CDKAL1: variants seen among roughly 807,000 people sequenced by gnomAD.
The protein encoded by CDKAL1 is threonylcarbamoyladenosine tRNA methylthiotransferase.
In CDKAL1, 32 loss-of-function variants were observed where a neutral mutation model predicts 68.2. The ratio of observed to expected loss-of-function variants is 0.47; its 90% confidence interval spans 0.35 to 0.63. CDKAL1 has a LOEUF of 0.63. Ranked by LOEUF, CDKAL1 falls within the 30% of genes least tolerant of loss-of-function variation. The pLI is 0.00. For synonymous variants in CDKAL1, 234 were observed against 244.3 expected, an observed-to-expected ratio of 0.96 and a Z score of 0.39; for missense variants, 606 against 696.7, an observed-to-expected ratio of 0.87 and a Z score of 1.47.
chr6:20,817,972 A>G (rs1252979773), intron 8 of CDKAL1, among the ~76,000 whole-genome samples: 1 of 152,080 alleles, frequency 6.6e-6, no homozygotes, highest in African/African-American at 2.4e-5. Context: ...AGGGGCCACT[A>G]CTATTTCTTG....
chr6:20,541,510 C>G (rs1441725903), intron 2 of CDKAL1, among the ~76,000 whole-genome samples: 1 of 152,226 alleles, frequency 6.6e-6, no homozygotes, highest in African/African-American at 2.4e-5. Flanking sequence ...TCTGTTAACA[C>G]TAGCGTAGAA....
chr6:20,537,591 A>G (rs1763224796), intron 2 of CDKAL1, among the ~76,000 whole-genome samples: 1 of 146,330 alleles, frequency 6.8e-6, no homozygotes, highest in South Asian at 2.3e-4. Context: ...GGGCAGCAAG[A>G]GTGAAACTCT....
chr6:21,056,646 A>G (rs935565240), intron 11 of CDKAL1, among the ~76,000 whole-genome samples: 1 of 152,088 alleles, frequency 6.6e-6, no homozygotes, highest in Non-Finnish European at 1.5e-5. Context: ...TCAGTATGAT[A>G]TTGGCTGTGG....
rs145173463 is a variant in CDKAL1, at chr6:20,733,484, A to G, written c.372-6035A>G. ...TTCCAGTGCACCATGACACCCGGCT[A>G]TTTGAAGCCTTTAGTGTAAAACAAA... is the stretch of plus-strand genomic sequence containing the variant. On this transcript the variant is annotated intron_variant, in intron 5 of 15. Transcript: ENST00000274695. 3.3e-3 allele frequency among the ~76,000 whole-genome samples: 509 copies of G among 152,322 alleles called. 4 individuals are homozygous for G. The highest frequency in any genetic ancestry group is 0.011 in the African/African-American group (468 of 41,568).
intron 5 of CDKAL1, chr6:20,722,555 A>T: frequency 3.2e-6 from 1 of 314,944 alleles, no homozygotes; most frequent in Non-Finnish European, 6.1e-6. Context: ...TACCCTGGGC[A>T]CACATAGAAT....
At chr6:20,596,123 C>G (rs1258036289) in intron 4 of CDKAL1, among the ~76,000 whole-genome samples, 1 of 152,166 alleles carries the variant, frequency 6.6e-6, no homozygotes, top group African/African-American at 2.4e-5. Context: ...GTCTCCAAGC[C>G]AGGAGGCACG....
At chr6:20,677,690 A>G (rs1215853011) in intron 5 of CDKAL1, among the ~76,000 whole-genome samples, 1 of 152,206 alleles carries the variant, frequency 6.6e-6, no homozygotes, top group East Asian at 1.9e-4. Flanking sequence ...TGCTGGGATT[A>G]CAGGTGTGAG....
At chr6:20,537,916 A>G (rs548045855) in intron 2 of CDKAL1, among the ~76,000 whole-genome samples, 14 of 152,292 alleles carry the variant, frequency 9.2e-5, no homozygotes, top group Admixed American at 2.6e-4. Flanking sequence ...TGTTCAAAGT[A>G]AAACCTTTAG....
At chr6:20,685,053 T>A (rs1446435376) in intron 5 of CDKAL1, among the ~76,000 whole-genome samples, 1 of 152,198 alleles carries the variant, frequency 6.6e-6, no homozygotes, top group Non-Finnish European at 1.5e-5. Context: ...GTGCCTTTTG[T>A]GTAATATCTA....
chr6:21,178,637 C>G lies in CDKAL1; in HGVS notation c.1300-19384C>G, dbSNP rs146624962. On this transcript the variant is annotated intron_variant, in intron 13 of 15. Coordinates refer to ENST00000274695, the MANE Select transcript of CDKAL1 (RefSeq NM_017774.3). ...GTTAATTTGATTGAAAATGATCCCCCCACAAAAGTTTCCAAATTATAACTT... is the reference window on the plus strand; with the variant it reads ...GTTAATTTGATTGAAAATGATCCCCGCACAAAAGTTTCCAAATTATAACTT... Among the ~76,000 whole-genome samples, 797 of 152,270 alleles carry G rather than the reference C, an allele frequency of 5.2e-3. 6 individuals are homozygous for G. Among genetic ancestry groups the G allele is most frequent in the African/African-American group, 0.018 (744 of 41,556 alleles).
At chr6:20,755,342 C>T (rs1298577745) in intron 6 of CDKAL1, among the ~76,000 whole-genome samples, 1 of 152,162 alleles carries the variant, frequency 6.6e-6, no homozygotes, top group South Asian at 2.1e-4. Context: ...ATTCCCATTG[C>T]CAGATACTGG....
intron 4 of CDKAL1, among the ~76,000 whole-genome samples, chr6:20,589,882 C>T (rs1249053319): frequency 4.6e-5 from 7 of 152,042 alleles, no homozygotes; most frequent in Non-Finnish European, 1.0e-4. Flanking sequence ...TGGTAGTGCA[C>T]GGGTTAAGAA....
chr6:20,596,550 C>T (rs1254575841), intron 4 of CDKAL1, among the ~76,000 whole-genome samples: 1 of 152,188 alleles, frequency 6.6e-6, no homozygotes, highest in Non-Finnish European at 1.5e-5. Context: ...CTTCAGACTG[C>T]TGTGCTGGCA....
At chr6:20,606,950 A>G (rs967395520) in intron 4 of CDKAL1, among the ~76,000 whole-genome samples, 4 of 152,090 alleles carry the variant, frequency 2.6e-5, no homozygotes, top group African/African-American at 9.7e-5. Flanking sequence ...AAATCCTGTG[A>G]GGTATGTGGT....
intron 7 of CDKAL1, among the ~76,000 whole-genome samples, chr6:20,761,682 CTA>C (rs1491214897): frequency 3.3e-5 from 5 of 152,118 alleles, no homozygotes; most frequent in African/African-American, 1.2e-4. Context: ...GCTACATACT[CTA>C]TGAGTCCAAC....
At chr6:20,943,202 A>C (rs946016013) in intron 9 of CDKAL1, among the ~76,000 whole-genome samples, 1 of 151,198 alleles carries the variant, frequency 6.6e-6, no homozygotes, top group South Asian at 2.1e-4. Context: ...TTATGTCTCC[A>C]TTACACTCTG....
intron 4 of CDKAL1, among the ~76,000 whole-genome samples, chr6:20,586,404 A>C (rs1765356872): frequency 6.6e-6 from 1 of 152,174 alleles, no homozygotes; most frequent in South Asian, 2.1e-4. Flanking sequence ...TTGGGAGGCC[A>C]AGGTGGGTGG....
chr6:21,070,071 T>C (rs987281152), intron 12 of CDKAL1, among the ~76,000 whole-genome samples: 6 of 152,100 alleles, frequency 3.9e-5, no homozygotes, highest in Non-Finnish European at 7.4e-5. Context: ...ATTACAGGCA[T>C]GAGCCAGGTC....
chr6:21,097,447 G>A (rs1271406427), intron 12 of CDKAL1, among the ~76,000 whole-genome samples: 6 of 149,336 alleles, frequency 4.0e-5, no homozygotes, highest in African/African-American at 7.4e-5. Flanking sequence ...CAGCCTGGTC[G>A]ACAGAGCAAG....
Sources: allele counts gnomAD v4.1 joint callset (sites outside exome capture counted in the v4.1 genomes callset), GRCh38; gene constraint gnomAD v4.1.1; transcripts MANE v1.5; gene names NCBI Gene and HGNC (gene_info 2026-07-23, HGNC 2026-07-21).